DAB1: variants seen among roughly 807,000 people sequenced by gnomAD.
The protein encoded by DAB1 is DAB adaptor protein 1.
In DAB1, 15 loss-of-function variants were observed where a neutral mutation model predicts 64.6. The observed-to-expected ratio is 0.23, with a 90% CI of 0.16 to 0.36. The LOEUF (loss-of-function observed/expected upper bound fraction) is 0.36, where lower values mean the gene tolerates loss of function less well. DAB1 is among the 10% of genes least tolerant of loss of function. The pLI is 1.00. For synonymous variants in DAB1, 235 were observed against 251.9 expected (o/e 0.93, Z 0.64); for missense variants, 596 against 706.7 (o/e 0.84, Z 1.78).
chr1:57,808,221 AC>A (rs1569745967), intron 6 of DAB1, among the ~76,000 whole-genome samples: 1 of 151,880 alleles, frequency 6.6e-6, no homozygotes, highest in East Asian at 1.9e-4. Context: ...ACACACACAC[AC>A]ATACCCCTGA....
chr1:57,094,377 G>C (rs1653968722), intron 4 of DAB1, among the ~76,000 whole-genome samples: 1 of 152,120 alleles, frequency 6.6e-6, no homozygotes, highest in Non-Finnish European at 1.5e-5. Flanking sequence ...CCTTCTTCCT[G>C]AGTCTCAGCA....
At chr1:58,238,281 A>G (rs1215497947) in intron 4 of DAB1, among the ~76,000 whole-genome samples, 8 of 152,356 alleles carry the variant, frequency 5.3e-5, no homozygotes, top group African/African-American at 1.7e-4. Flanking sequence ...CAGTCCAGGA[A>G]GTAACAAAGA....
chr1:57,390,058 G>A (rs1682215459), intron 1 of DAB1, among the ~76,000 whole-genome samples: 1 of 152,206 alleles, frequency 6.6e-6, no homozygotes, highest in South Asian at 2.1e-4. Flanking sequence ...TCCATGGTCT[G>A]CTCTTATAAG....
At chr1:57,263,212 T>C (rs1570096528) in intron 2 of DAB1, among the ~76,000 whole-genome samples, 1 of 151,444 alleles carries the variant, frequency 6.6e-6, no homozygotes, top group Non-Finnish European at 1.5e-5. Context: ...GCCTCCTGGG[T>C]TCAAGCGATT....
At chr1:58,464,713 G>A (rs1161602853) in intron 3 of DAB1, among the ~76,000 whole-genome samples, 1 of 152,174 alleles carries the variant, frequency 6.6e-6, no homozygotes, top group Non-Finnish European at 1.5e-5. Context: ...AAAATATAAA[G>A]TACAAAGCAA....
At chr1:58,522,425 G>C (rs1379025545) in intron 2 of DAB1, among the ~76,000 whole-genome samples, 1 of 152,094 alleles carries the variant, frequency 6.6e-6, no homozygotes, top group Admixed American at 6.5e-5. Context: ...TCTTTCATTT[G>C]ATAAAAAAGT....
chr1:57,280,225 A>T (rs547411678), intron 2 of DAB1, among the ~76,000 whole-genome samples: 1 of 152,348 alleles, frequency 6.6e-6, no homozygotes, highest in Admixed American at 6.5e-5. Flanking sequence ...ACACAAGGAC[A>T]CATGAACAAT....
intron 5 of DAB1, among the ~76,000 whole-genome samples, chr1:58,032,791 A>G (rs1444692826): frequency 6.6e-6 from 1 of 152,144 alleles, no homozygotes; most frequent in Non-Finnish European, 1.5e-5. Context: ...GTGAAATCCA[A>G]GCTCTTTAGC....
At chr1:57,246,270 C>CGG (rs1558016131) in intron 2 of DAB1, among the ~76,000 whole-genome samples, 224 of 152,340 alleles carry the variant, frequency 1.5e-3, no homozygotes, top group African/African-American at 5.3e-3. Flanking sequence ...CCCGCTGCCC[C>CGG]CTGCTCTGTG....
intron 2 of DAB1, among the ~76,000 whole-genome samples, chr1:57,211,169 C>CT (rs1469096804): frequency 2.0e-5 from 3 of 152,184 alleles, no homozygotes; most frequent in African/African-American, 7.2e-5. Context: ...CAAAATGATG[C>CT]TTTTAACTTG....
intron 7 of DAB1, among the ~76,000 whole-genome samples, chr1:57,479,920 G>A (rs940838202): frequency 3.9e-5 from 6 of 152,010 alleles, no homozygotes; most frequent in African/African-American, 1.5e-4. Flanking sequence ...TTGGGAGGCC[G>A]AGACGGGCGG....
At chr1:58,060,921 G>A (rs1648461440) in intron 5 of DAB1, among the ~76,000 whole-genome samples, 1 of 152,210 alleles carries the variant, frequency 6.6e-6, no homozygotes, top group South Asian at 2.1e-4. Context: ...GACACTGTTT[G>A]GGGAAGCCAG....
At chr1:58,192,012 C>T (rs80058699) in intron 4 of DAB1, among the ~76,000 whole-genome samples, 1,659 of 152,318 alleles carry the variant, frequency 0.011, 31 homozygotes, top group African/African-American at 0.038. Context: ...TTATTATTCC[C>T]ATTTTACAGC....
chr1:58,206,200 A>G (rs1036009840), intron 4 of DAB1, among the ~76,000 whole-genome samples: 1 of 152,178 alleles, frequency 6.6e-6, no homozygotes, highest in South Asian at 2.1e-4. Context: ...TGTAAGATAT[A>G]CATTGGTTCC....
intron 1 of DAB1, among the ~76,000 whole-genome samples, chr1:57,310,186 T>C (rs1256998592): frequency 6.6e-6 from 1 of 152,036 alleles, no homozygotes; most frequent in Non-Finnish European, 1.5e-5. Context: ...AAAGTAAGGA[T>C]GGGAGGGCTA....
At chr1:57,908,588 A>G (rs1644593143) in intron 5 of DAB1, among the ~76,000 whole-genome samples, 1 of 148,906 alleles carries the variant, frequency 6.7e-6, no homozygotes, top group Non-Finnish European at 1.5e-5. Flanking sequence ...TGCCTACCAT[A>G]TTCCAAGCGC....
At chr1:57,082,673 C>T (rs1652661919) in intron 4 of DAB1, among the ~76,000 whole-genome samples, 1 of 152,090 alleles carries the variant, frequency 6.6e-6, no homozygotes, top group Admixed American at 6.6e-5. Flanking sequence ...CCCTGATGTT[C>T]TCCCTCCCCC....
chr1:58,510,278 C>A (rs2100425489), intron 2 of DAB1, among the ~76,000 whole-genome samples: 1 of 152,186 alleles, frequency 6.6e-6, no homozygotes, highest in East Asian at 1.9e-4. Context: ...AAGGATCACA[C>A]CTCATGACCA....
chr1:57,990,946 C>T (rs187954549), intron 5 of DAB1, among the ~76,000 whole-genome samples: 56 of 152,278 alleles, frequency 3.7e-4, no homozygotes, highest in African/African-American at 1.3e-3. Flanking sequence ...CTCTTCCAGG[C>T]CACAACTGCT....
Sources: gnomAD v4.1 joint callset for allele counts (sites outside exome capture counted in the v4.1 genomes callset) on GRCh38, gnomAD v4.1.1 for gene constraint, MANE v1.5 for transcripts, NCBI Gene and HGNC (gene_info 2026-07-23, HGNC 2026-07-21) for gene names.